UNC79: variants seen among roughly 807,000 people sequenced by gnomAD.
UNC79 encodes the protein unc-79 subunit of NALCN channel complex.
A neutral mutation model predicts 283.1 loss-of-function variants in UNC79; 37 were observed. That is an observed-to-expected ratio of 0.13 (90% CI 0.10 to 0.17). The LOEUF (loss-of-function observed/expected upper bound fraction) is 0.17, where lower values mean the gene tolerates loss of function less well. Ranked by LOEUF, UNC79 falls within the 10% of genes least tolerant of loss-of-function variation. The probability of loss-of-function intolerance (pLI) is 1.00; values close to 1 mark genes in which losing one functional copy is unlikely to be tolerated. For synonymous variants in UNC79, 1,107 were observed against 1,200.2 expected (o/e 0.92, Z 1.61); for missense variants, 2,272 against 3,211.1 (o/e 0.71, Z 7.07).
chr14:93,442,064 T>A (rs893618588), intron 1 of UNC79, among the ~76,000 whole-genome samples: 4 of 152,184 alleles, frequency 2.6e-5, no homozygotes, highest in Admixed American at 6.5e-5. Context: ...CATCATTTTT[T>A]TTGGCATTAA....
At chr14:93,658,078 C>A (rs1263708391) in intron 38 of UNC79, among the ~76,000 whole-genome samples, 1 of 152,186 alleles carries the variant, frequency 6.6e-6, no homozygotes, top group South Asian at 2.1e-4. Flanking sequence ...TTAAATAGAA[C>A]CAGTGGTTCC....
intron 4 of UNC79, among the ~76,000 whole-genome samples, chr14:93,480,788 A>G (rs2058089648): frequency 6.6e-6 from 1 of 152,130 alleles, no homozygotes; most frequent in South Asian, 2.1e-4. Flanking sequence ...AGAAATTGTG[A>G]CCAAAACAAG....
At chr14:93,639,574 T>G (rs982909810) in intron 32 of UNC79, among the ~76,000 whole-genome samples, 1 of 152,236 alleles carries the variant, frequency 6.6e-6, no homozygotes, top group Non-Finnish European at 1.5e-5. Flanking sequence ...GATGTTATCT[T>G]GGATATAGCT....
intron 22 of UNC79, among the ~76,000 whole-genome samples, chr14:93,588,497 T>C (rs1291472161): frequency 3.3e-5 from 5 of 151,944 alleles, no homozygotes; most frequent in African/African-American, 1.2e-4. Flanking sequence ...TCCCAGCACT[T>C]TGGGAGGCCG....
chr14:93,620,494 C>G (rs1285910246), intron 29 of UNC79, among the ~76,000 whole-genome samples: 1 of 151,960 alleles, frequency 6.6e-6, no homozygotes, highest in East Asian at 1.9e-4. Flanking sequence ...TGTTTAATTT[C>G]CTTTCGCCAA....
chr14:93,702,091 T>A (rs78970427), intron 47 of UNC79, among the ~76,000 whole-genome samples: 1,527 of 152,324 alleles, frequency 0.01, 28 homozygotes, highest in African/African-American at 0.034. Flanking sequence ...GTCTGTAGCA[T>A]CAGCACCCTC....
chr14:93,703,733 T>A (rs749294873), intron 47 of UNC79, among the ~76,000 whole-genome samples: 2 of 152,174 alleles, frequency 1.3e-5, no homozygotes, highest in African/African-American at 4.8e-5. Context: ...ATGATGCATA[T>A]TGGTGTATTA....
intron 41 of UNC79, among the ~76,000 whole-genome samples, chr14:93,680,930 C>G (rs12436219): frequency 0.027 from 4,064 of 152,250 alleles, 193 homozygotes; most frequent in African/African-American, 0.093. Flanking sequence ...TTTCAGGTTT[C>G]ATTTTTTTAC....
rs1383384872 is a variant in UNC79 at position 93,391,957 on chromosome 14, A to T, written c.-351+58434A>T. On this transcript the variant is annotated intron_variant, in intron 1 of 49. Coordinates refer to the UNC79 transcript ENST00000256339. The stretch of plus-strand genomic sequence containing the variant: ...TAAAGAGATGGCACTCTCACATATG[A>T]GCAAAGATGTAGAACAACTGGTAGA... 2.0e-5 allele frequency among the ~76,000 whole-genome samples: 3 copies of T among 152,236 alleles called. No individual in the cohort carries two copies. In the South Asian group the frequency reaches 6.2e-4, roughly 31 times the overall value.
intron 27 of UNC79, among the ~76,000 whole-genome samples, chr14:93,616,818 C>A (rs2066764268): frequency 6.6e-6 from 1 of 152,118 alleles, no homozygotes; most frequent in Non-Finnish European, 1.5e-5. Context: ...TACTAGGTTT[C>A]TTCATTGTCT....
At chr14:93,691,186 C>T (rs1000036302) in intron 45 of UNC79, 2 of 157,672 alleles carry the variant, frequency 1.3e-5, no homozygotes, top group South Asian at 3.7e-4. Flanking sequence ...GTGAAATAGA[C>T]GAGGGGATGG....
At chr14:93,532,639 T>A in intron 11 of UNC79, 61 bp downstream of exon 11, 1 of 1,596,392 alleles carries the variant, frequency 6.3e-7, no homozygotes, top group Non-Finnish European at 8.6e-7. Context: ...GTAAATTCAT[T>A]TATTGACATC....
At chr14:93,686,186 G>A (rs1025807852) in intron 42 of UNC79, among the ~76,000 whole-genome samples, 15 of 152,196 alleles carry the variant, frequency 9.9e-5, no homozygotes, top group Non-Finnish European at 2.1e-4. Flanking sequence ...TCCCTAGAAT[G>A]AGAATGTGTT....
chr14:93,528,742 C>G lies in UNC79; in HGVS notation c.1052+96C>G, dbSNP rs187561908. The G allele has an allele frequency of 1.0e-3, 1,125 of 1,090,298 alleles. 1 individual carries two copies. Among genetic ancestry groups the G allele is most frequent in the Middle Eastern group, 3.4e-3 (12 of 3,580 alleles). 67.5% of individuals were successfully genotyped at this position (1,090,298 alleles called of 1,614,324 possible). The stretch of plus-strand genomic sequence containing the variant: ...TAAATTAGTTACATTGCTAAAGTTT[C>G]TCTCTAGCCTCTCTGATTTTTAAAG... On this transcript the variant is annotated intron_variant, in intron 9 of 48. Transcript: ENST00000555664.
chr14:93,635,147 T>A (rs2068401068), intron 31 of UNC79, among the ~76,000 whole-genome samples: 1 of 152,180 alleles, frequency 6.6e-6, no homozygotes, highest in South Asian at 2.1e-4. Flanking sequence ...GCTCATAAGA[T>A]GGAACTGCAT....
intron 1 of UNC79, among the ~76,000 whole-genome samples, chr14:93,435,049 T>C (rs924763344): frequency 3.9e-5 from 6 of 152,168 alleles, no homozygotes; most frequent in African/African-American, 1.4e-4. Context: ...GAGAAATCAA[T>C]AGATAGTTTT....
At chr14:93,424,302 T>A (rs2055675964) in intron 1 of UNC79, among the ~76,000 whole-genome samples, 1 of 152,096 alleles carries the variant, frequency 6.6e-6, no homozygotes, top group South Asian at 2.1e-4. Context: ...GGAGGACAGT[T>A]GGAGGTTCCT....
intron 1 of UNC79, among the ~76,000 whole-genome samples, chr14:93,462,759 T>C (rs1168868645): frequency 6.6e-6 from 1 of 152,164 alleles, no homozygotes; most frequent in African/African-American, 2.4e-5. Flanking sequence ...GGATGAGCTT[T>C]AGAATGCTTT....
intron 1 of UNC79, among the ~76,000 whole-genome samples, chr14:93,462,307 A>AAAAAC (rs571538216): frequency 5.9e-5 from 9 of 152,280 alleles, no homozygotes; most frequent in Admixed American, 3.3e-4. Context: ...CTCTGTCTCA[A>AAAAAC]AAAACAAAAC....
Sources: gnomAD v4.1 joint callset for allele counts (sites outside exome capture counted in the v4.1 genomes callset) on GRCh38, gnomAD v4.1.1 for gene constraint, MANE v1.5 for transcripts, NCBI Gene and HGNC (gene_info 2026-07-23, HGNC 2026-07-21) for gene names.